Variants in GPM6A observed in about 807,000 individuals in gnomAD.
The protein encoded by GPM6A is glycoprotein M6A.
A neutral mutation model predicts 32.1 loss-of-function variants in GPM6A; 7 were observed. That is an observed-to-expected ratio of 0.22 (90% CI 0.12 to 0.41). The LOEUF (loss-of-function observed/expected upper bound fraction) is 0.41, where lower values mean the gene tolerates loss of function less well. GPM6A is among the 10% of genes least tolerant of loss of function. The probability of loss-of-function intolerance (pLI) is 1.00; values close to 1 mark genes in which losing one functional copy is unlikely to be tolerated. For missense variants in GPM6A, 235 were observed against 347.2 expected (o/e 0.68, Z 2.57); for synonymous variants, 130 against 123.4 (o/e 1.05, Z -0.35).
chr4:175,815,809 C>T (rs1264083347), upstream of GPM6A, among the ~76,000 whole-genome samples: 1 of 149,260 alleles, frequency 6.7e-6, no homozygotes, highest in Non-Finnish European at 1.5e-5. Context: ...CCTCTGCCTC[C>T]CGGATTCAAG....
At chr4:175,991,615 T>C (rs1199964208) in intron 1 of GPM6A, among the ~76,000 whole-genome samples, 15 of 152,172 alleles carry the variant, frequency 9.9e-5, no homozygotes, top group Non-Finnish European at 1.2e-4. Flanking sequence ...ATCTACTAAA[T>C]ATAATGTGTC....
chr4:175,850,197 T>A (rs899655113), intron 1 of GPM6A, among the ~76,000 whole-genome samples: 1 of 152,140 alleles, frequency 6.6e-6, no homozygotes, highest in East Asian at 1.9e-4. Context: ...GATTCTAAAC[T>A]CTACTTTAGA....
At chr4:175,689,468 C>G (rs1663697581) in intron 2 of GPM6A, among the ~76,000 whole-genome samples, 1 of 150,408 alleles carries the variant, frequency 6.6e-6, no homozygotes, top group South Asian at 2.1e-4. Flanking sequence ...CTTTTTGAAG[C>G]TATTGTAAAT....
At chr4:175,927,005 A>G (rs1738862597) in intron 1 of GPM6A, among the ~76,000 whole-genome samples, 1 of 152,226 alleles carries the variant, frequency 6.6e-6, no homozygotes, top group Admixed American at 6.5e-5. Flanking sequence ...TATTTAAAAT[A>G]TTGTTCACTT....
At chr4:175,778,006 T>G (rs1733461114) in intron 1 of GPM6A, among the ~76,000 whole-genome samples, 1 of 152,162 alleles carries the variant, frequency 6.6e-6, no homozygotes, top group African/African-American at 2.4e-5. Context: ...TTTTTAGAAT[T>G]TATCACTCAT....
At chr4:175,921,055 G>A (rs1209612617) in intron 1 of GPM6A, among the ~76,000 whole-genome samples, 1 of 147,282 alleles carries the variant, frequency 6.8e-6, no homozygotes, top group Non-Finnish European at 1.5e-5. Flanking sequence ...AAGAAAATTA[G>A]GATTATCTTT....
At chr4:175,679,485 A>C (rs73020115) in intron 2 of GPM6A, among the ~76,000 whole-genome samples, 122 of 152,214 alleles carry the variant, frequency 8.0e-4, no homozygotes, top group African/African-American at 2.5e-3. Flanking sequence ...ATCTGTGAGG[A>C]GATACTTTAA....
chr4:175,958,886 C>T (rs373027535), intron 1 of GPM6A, among the ~76,000 whole-genome samples: 30 of 152,108 alleles, frequency 2.0e-4, no homozygotes, highest in African/African-American at 6.5e-4. Flanking sequence ...CAAACATAAC[C>T]GGAATTTGTT....
chr4:175,770,300 A>G (rs751566055), intron 1 of GPM6A, among the ~76,000 whole-genome samples: 3 of 152,234 alleles, frequency 2.0e-5, no homozygotes, highest in Non-Finnish European at 4.4e-5. Flanking sequence ...TGCTGGGGTT[A>G]CAGGCGTGAG....
upstream of GPM6A, among the ~76,000 whole-genome samples, chr4:175,816,859 T>C (rs77200771): frequency 0.032 from 2,942 of 90,914 alleles, 81 homozygotes; most frequent in South Asian, 0.11. Flanking sequence ...TTTTCTTTTT[T>C]TTATTTTTAT....
chr4:175,654,359 G>A (rs1323375139), intron 3 of GPM6A: 1 of 152,118 alleles, frequency 6.6e-6, no homozygotes. Flanking sequence ...CTGTAAAATG[G>A]AAATAACTCT....
At chr4:175,779,236 G>T (rs549229346) in intron 1 of GPM6A, among the ~76,000 whole-genome samples, 1 of 152,010 alleles carries the variant, frequency 6.6e-6, no homozygotes, top group Non-Finnish European at 1.5e-5. Context: ...TGATGCAATC[G>T]TTACCCATTT....
chr4:175,881,643 A>G (rs565994216), intron 1 of GPM6A, among the ~76,000 whole-genome samples: 1 of 152,280 alleles, frequency 6.6e-6, no homozygotes, highest in South Asian at 2.1e-4. Context: ...GCACATATAC[A>G]CCATGGAATA....
At chr4:175,971,820 C>A (rs1026205109) in intron 1 of GPM6A, 1 of 152,128 alleles carries the variant, frequency 6.6e-6, no homozygotes, top group Non-Finnish European at 1.5e-5. Flanking sequence ...CTACAGTCTG[C>A]ATAATTTCTA....
intron 1 of GPM6A, among the ~76,000 whole-genome samples, chr4:175,899,317 G>GA (rs1737883976): frequency 1.3e-5 from 2 of 152,108 alleles, no homozygotes; most frequent in Admixed American, 6.5e-5. Context: ...TTTTTTAAAT[G>GA]AAAAAAGCCT....
chr4:175,958,780 T>C (rs892709576), intron 1 of GPM6A, among the ~76,000 whole-genome samples: 1 of 152,228 alleles, frequency 6.6e-6, no homozygotes, highest in Non-Finnish European at 1.5e-5. Context: ...TAGTTTACAC[T>C]AAAAGAAACC....
chr4:175,976,593 C>T (rs1431938323), intron 1 of GPM6A, among the ~76,000 whole-genome samples: 1 of 152,106 alleles, frequency 6.6e-6, no homozygotes, highest in Non-Finnish European at 1.5e-5. Flanking sequence ...AGGGACCATG[C>T]ATACTCATTA....
chr4:175,833,012 G>C (rs931549682), intron 1 of GPM6A, among the ~76,000 whole-genome samples: 21 of 152,222 alleles, frequency 1.4e-4, no homozygotes, highest in African/African-American at 5.1e-4. Flanking sequence ...AGCTAGCTTC[G>C]TACCTCAAAG....
chr4:175,962,138 G>A, intron 1 of GPM6A: 1 of 806,274 alleles, frequency 1.2e-6, no homozygotes, highest in Admixed American at 1.7e-5. Flanking sequence ...CAGTGACAAT[G>A]TTACAGGACA....
Sources: gnomAD v4.1 joint callset for allele counts (sites outside exome capture counted in the v4.1 genomes callset) on GRCh38, gnomAD v4.1.1 for gene constraint, MANE v1.5 for transcripts, NCBI Gene and HGNC (gene_info 2026-07-23, HGNC 2026-07-21) for gene names.